SPOCK3: variants seen among roughly 807,000 people sequenced by gnomAD.
The protein encoded by SPOCK3 is testican-3.
In SPOCK3, 30 loss-of-function variants were observed where a neutral mutation model predicts 56.6. The ratio of observed to expected loss-of-function variants is 0.53; its 90% CI spans 0.40 to 0.72. SPOCK3 has a LOEUF of 0.72. SPOCK3 is among the 30% of genes least tolerant of loss of function. The pLI is 0.00. For synonymous variants in SPOCK3, 196 were observed against 183.3 expected, an observed-to-expected ratio of 1.07 and a Z score of -0.56; for missense variants, 527 against 530.0, an observed-to-expected ratio of 0.99 and a Z score of 0.06.
At chr4:166,951,522 A>G (rs1489326339) in intron 4 of SPOCK3, among the ~76,000 whole-genome samples, 1 of 141,164 alleles carries the variant, frequency 7.1e-6, no homozygotes. Context: ...AACTGGTACC[A>G]TTCCTTCTGA....
rs554393454 is a variant in SPOCK3, at chr4:166,781,728, T to A, written c.709+10442A>T. Among the ~76,000 whole-genome samples, 70 of 152,044 alleles carry A rather than the reference T, an allele frequency of 4.6e-4. 1 individual carries two copies. Among genetic ancestry groups the A allele is most frequent in the African/African-American group, 1.6e-3 (68 of 41,510 alleles). On this transcript the variant is annotated intron_variant, in intron 7 of 10. Coordinates refer to ENST00000357545, the MANE Select transcript of SPOCK3 (RefSeq NM_001040159.2). Reference sequence around the variant, plus strand: ...AACAGATATACAAACAAAATCTAGATGCACCATCGTCAAACTGTTTAAAGA... The same window carrying A: ...AACAGATATACAAACAAAATCTAGAAGCACCATCGTCAAACTGTTTAAAGA...
At chr4:167,234,395 C>CT in intron 1 of SPOCK3, 55 bp downstream of exon 1, 1 of 587,694 alleles carries the variant, frequency 1.7e-6, no homozygotes, top group Non-Finnish European at 3.0e-6. Context: ...TATAAGGAAG[C>CT]AAGCCCCAGC....
At chr4:166,991,218 C>G (rs879510464) in intron 4 of SPOCK3, among the ~76,000 whole-genome samples, 21 of 151,992 alleles carry the variant, frequency 1.4e-4, no homozygotes, top group Admixed American at 1.4e-3. Flanking sequence ...CACCATGTTA[C>G]AACTTAGAGA....
intron 8 of SPOCK3, among the ~76,000 whole-genome samples, chr4:166,752,567 TATATATACACACACACACACACAC>T (rs1460705098): frequency 3.3e-4 from 37 of 111,382 alleles, no homozygotes; most frequent in Non-Finnish European, 5.4e-4. Flanking sequence ...TATATATATA[TATATATACACACACACACACACAC>T]ACACACACAC....
intron 2 of SPOCK3, among the ~76,000 whole-genome samples, chr4:167,140,068 T>C (rs1442930245): frequency 1.3e-5 from 2 of 152,074 alleles, no homozygotes; most frequent in Non-Finnish European, 2.9e-5. Flanking sequence ...TGGCAGAATG[T>C]AGACGTTCAA....
chr4:167,177,138 T>C (rs1279497735), intron 2 of SPOCK3, among the ~76,000 whole-genome samples: 1 of 152,112 alleles, frequency 6.6e-6, no homozygotes, highest in East Asian at 1.9e-4. Flanking sequence ...TCATGGGCTC[T>C]TCCTGACATG....
chr4:167,085,415 C>T (rs1184921322), intron 2 of SPOCK3, among the ~76,000 whole-genome samples: 1 of 152,114 alleles, frequency 6.6e-6, no homozygotes, highest in African/African-American at 2.4e-5. Flanking sequence ...TCCAGGACCT[C>T]TGTCTCCAGT....
At chr4:167,074,625 G>A (rs1037178002) in intron 2 of SPOCK3, among the ~76,000 whole-genome samples, 1 of 151,782 alleles carries the variant, frequency 6.6e-6, no homozygotes, top group East Asian at 2.0e-4. Flanking sequence ...ACATCCTATC[G>A]CTATAGCATT....
intron 6 of SPOCK3, among the ~76,000 whole-genome samples, chr4:166,853,438 G>C (rs1336160342): frequency 6.6e-6 from 1 of 152,068 alleles, no homozygotes; most frequent in African/African-American, 2.4e-5. Context: ...TTTTCATAGA[G>C]GACCATATTT....
intron 2 of SPOCK3, among the ~76,000 whole-genome samples, chr4:167,201,221 C>T (rs1158429957): frequency 2.6e-5 from 4 of 151,934 alleles, no homozygotes; most frequent in Admixed American, 6.6e-5. Context: ...CAAAGCTATA[C>T]TGTATTATCT....
chr4:166,990,083 G>A (rs1183726694), intron 4 of SPOCK3, among the ~76,000 whole-genome samples: 2 of 152,114 alleles, frequency 1.3e-5, no homozygotes, highest in African/African-American at 2.4e-5. Context: ...AAGATGTCAG[G>A]GCTAGTGGGA....
intron 4 of SPOCK3, among the ~76,000 whole-genome samples, chr4:166,954,073 T>TTAAAGTATATACTTTATATACCC (rs1743083484): frequency 6.6e-6 from 1 of 150,704 alleles, no homozygotes; most frequent in African/African-American, 2.4e-5. Context: ...ACCCTAAAAC[T>TTAAAGTATATACTTTATATACCC]TAAAGTATAA....
At chr4:167,209,769 A>C (rs1483533736) in intron 2 of SPOCK3, among the ~76,000 whole-genome samples, 3 of 150,870 alleles carry the variant, frequency 2.0e-5, no homozygotes, top group African/African-American at 7.5e-5. Context: ...GGACACTCAG[A>C]CAGTTACAAT....
At chr4:167,120,425 T>C (rs1299854732) in intron 2 of SPOCK3, among the ~76,000 whole-genome samples, 6 of 152,080 alleles carry the variant, frequency 3.9e-5, no homozygotes, top group Admixed American at 3.3e-4. Flanking sequence ...TTAATACTTA[T>C]GTTAAAGACC....
chr4:167,222,036 C>A (rs1735970405), intron 2 of SPOCK3, among the ~76,000 whole-genome samples: 1 of 151,966 alleles, frequency 6.6e-6, no homozygotes, highest in Non-Finnish European at 1.5e-5. Flanking sequence ...TTTACAATAG[C>A]AAAGAGGTAG....
rs144249385 is a variant in SPOCK3 at position 167,040,765 on chromosome 4, T to C, written c.235+21727A>G. Among the ~76,000 whole-genome samples, 681 of 152,306 alleles carry C rather than the reference T, an allele frequency of 4.5e-3. 7 individuals carry two copies. The highest frequency in any genetic ancestry group is 0.015 in the African/African-American group (623 of 41,568). Reference sequence around the variant, plus strand: ...ATATTTACATTCAAAGATACAATTATTAATATGCCATTCAATGAATTTGTA... The same window carrying C: ...ATATTTACATTCAAAGATACAATTACTAATATGCCATTCAATGAATTTGTA... On this transcript the variant is annotated intron_variant, in intron 3 of 10. Transcript: ENST00000357545.
chr4:166,999,005 G>A (rs1391836543), intron 4 of SPOCK3, among the ~76,000 whole-genome samples: 2 of 152,126 alleles, frequency 1.3e-5, no homozygotes, highest in Admixed American at 1.3e-4. Flanking sequence ...TTATCCCTCT[G>A]TAAAATTAGC....
chr4:166,902,687 A>G (rs1341047739), intron 5 of SPOCK3, among the ~76,000 whole-genome samples: 1 of 151,708 alleles, frequency 6.6e-6, no homozygotes, highest in Non-Finnish European at 1.5e-5. Flanking sequence ...TAATACATAT[A>G]CATGTACACT....
intron 4 of SPOCK3, among the ~76,000 whole-genome samples, chr4:166,993,608 G>T (rs71620409): frequency 9.2e-5 from 14 of 151,918 alleles, no homozygotes; most frequent in Non-Finnish European, 1.9e-4. Flanking sequence ...TTTATTTAAC[G>T]TATAAGGTAA....
Sources: gnomAD v4.1 joint callset for allele counts (sites outside exome capture counted in the v4.1 genomes callset) on GRCh38, gnomAD v4.1.1 for gene constraint, MANE v1.5 for transcripts, NCBI Gene and HGNC (gene_info 2026-07-23, HGNC 2026-07-21) for gene names.